GRXCR1: variants seen among roughly 807,000 people sequenced by gnomAD.
GRXCR1 encodes the protein glutaredoxin and cysteine rich domain containing 1.
In GRXCR1, 27 loss-of-function variants were observed where a neutral mutation model predicts 27.3. The ratio of observed to expected loss-of-function variants is 0.99; its 90% CI spans 0.73 to 1.37. The LOEUF (loss-of-function observed/expected upper bound fraction) is 1.37. Ranked by LOEUF, GRXCR1 falls within the 40% of genes most tolerant of loss-of-function variation. The probability of loss-of-function intolerance (pLI) is 0.00; values close to 1 mark genes in which losing one functional copy is unlikely to be tolerated. For synonymous variants in GRXCR1, 122 were observed against 131.1 expected (o/e 0.93, Z 0.47); for missense variants, 379 against 354.4 (o/e 1.07, Z -0.56).
intron 2 of GRXCR1, among the ~76,000 whole-genome samples, chr4:42,977,894 G>GAA (rs1294255551): frequency 3.3e-5 from 5 of 151,968 alleles, no homozygotes; most frequent in Non-Finnish European, 2.9e-5. Flanking sequence ...CTGTTGTGGA[G>GAA]AATTTGCCTT....
intron 2 of GRXCR1, among the ~76,000 whole-genome samples, chr4:42,974,030 G>A (rs1022836734): frequency 3.3e-5 from 5 of 152,100 alleles, no homozygotes; most frequent in Non-Finnish European, 5.9e-5. Context: ...TAGAACCAAC[G>A]TTTCATATGG....
At position 43,001,906 on chromosome 4, in the gene GRXCR1, T is replaced by G. The variant is rs573898853; in HGVS notation, c.628-18448T>G. On this transcript the variant is annotated intron_variant, in intron 2 of 3. Transcript: ENST00000399770. ...GTCAGCAAAAAACATGTGAGCAAAATAATCTATGTCATACTTAAGTTCAAG... is the reference window on the plus strand; with the variant it reads ...GTCAGCAAAAAACATGTGAGCAAAAGAATCTATGTCATACTTAAGTTCAAG... 2.3e-3 allele frequency among the ~76,000 whole-genome samples: 339 copies of G among 145,352 alleles called. 3 individuals are homozygous for G. Among genetic ancestry groups the G allele is most frequent in the African/African-American group, 7.1e-3 (281 of 39,422 alleles).
At chr4:42,960,354 G>A (rs575696562) in intron 1 of GRXCR1, among the ~76,000 whole-genome samples, 3 of 151,984 alleles carry the variant, frequency 2.0e-5, no homozygotes, top group Non-Finnish European at 2.9e-5. Flanking sequence ...AGAGAACTTC[G>A]GTGCTCTTCT....
chr4:42,949,883 C>G (rs1462578045), intron 1 of GRXCR1, among the ~76,000 whole-genome samples: 1 of 152,140 alleles, frequency 6.6e-6, no homozygotes, highest in Non-Finnish European at 1.5e-5. Flanking sequence ...GCCCTCAGTT[C>G]TCAGTCTATT....
At chr4:43,020,333 C>T in intron 2 of GRXCR1, 21 bp from the exon 3 acceptor site, 1 of 1,539,788 alleles carries the variant, frequency 6.5e-7, no homozygotes, top group Non-Finnish European at 9.0e-7. Context: ...GATTTTTCTC[C>T]CTACTCTCTC....
chr4:42,930,421 A>T (rs960688037), intron 1 of GRXCR1, among the ~76,000 whole-genome samples: 6 of 151,896 alleles, frequency 4.0e-5, no homozygotes, highest in African/African-American at 1.4e-4. Context: ...GAATATCCAG[A>T]TGTTTATTTA....
chr4:42,951,372 T>C (rs1047624158), intron 1 of GRXCR1, among the ~76,000 whole-genome samples: 1 of 152,120 alleles, frequency 6.6e-6, no homozygotes, highest in African/African-American at 2.4e-5. Context: ...TATCTGAGCA[T>C]CCCCTAGCCA....
chr4:43,028,064 G>A (rs1713310772), intron 3 of GRXCR1, among the ~76,000 whole-genome samples: 1 of 151,512 alleles, frequency 6.6e-6, no homozygotes, highest in South Asian at 2.1e-4. Flanking sequence ...AGCTGCTGAG[G>A]TCGCACCACT....
intron 2 of GRXCR1, among the ~76,000 whole-genome samples, chr4:43,004,858 C>T (rs747326246): frequency 6.6e-6 from 1 of 152,058 alleles, no homozygotes; most frequent in African/African-American, 2.4e-5. Flanking sequence ...TGGACATGGA[C>T]GTTTGAGTTA....
chr4:42,974,539 G>A (rs1029546684), intron 2 of GRXCR1, among the ~76,000 whole-genome samples: 2 of 152,122 alleles, frequency 1.3e-5, no homozygotes, highest in African/African-American at 4.8e-5. Flanking sequence ...TGTGCTGTGA[G>A]CTTGGTTTCA....
intron 2 of GRXCR1, among the ~76,000 whole-genome samples, chr4:42,992,778 G>A (rs1051378630): frequency 4.6e-5 from 7 of 152,050 alleles, no homozygotes; most frequent in African/African-American, 1.7e-4. Flanking sequence ...GATAAAATTA[G>A]CATATTTGGT....
chr4:43,011,365 G>C (rs778747945), intron 2 of GRXCR1, among the ~76,000 whole-genome samples: 27 of 152,306 alleles, frequency 1.8e-4, no homozygotes, highest in Middle Eastern at 3.4e-3. Flanking sequence ...GAGCAGGATA[G>C]AGAGGTTGGG....
intron 1 of GRXCR1, among the ~76,000 whole-genome samples, chr4:42,961,819 G>A (rs375792006): frequency 1.2e-4 from 18 of 151,922 alleles, no homozygotes; most frequent in African/African-American, 3.9e-4. Flanking sequence ...ATTTCTCTGC[G>A]TACAAAGTGG....
chr4:42,941,286 C>T (rs1249432808), intron 1 of GRXCR1, among the ~76,000 whole-genome samples: 2 of 151,976 alleles, frequency 1.3e-5, no homozygotes, highest in African/African-American at 2.4e-5. Context: ...CCATTACTTG[C>T]TATTTTAGAC....
At chr4:42,995,536 C>T (rs1213764336) in intron 2 of GRXCR1, among the ~76,000 whole-genome samples, 1 of 152,162 alleles carries the variant, frequency 6.6e-6, no homozygotes, top group Admixed American at 6.5e-5. Context: ...CTAGGAGTCA[C>T]TAGTTTACCA....
chr4:42,895,815 G>C (rs968969811), intron 1 of GRXCR1, among the ~76,000 whole-genome samples: 6 of 152,046 alleles, frequency 3.9e-5, no homozygotes, highest in Non-Finnish European at 8.8e-5. Context: ...AGAAGCCCCA[G>C]GGGCTAGAAG....
chr4:42,989,816 T>A (rs1711904289), intron 2 of GRXCR1, among the ~76,000 whole-genome samples: 3 of 152,154 alleles, frequency 2.0e-5, no homozygotes, highest in South Asian at 4.1e-4. Flanking sequence ...AATACCTAAG[T>A]CTCTTATGGT....
intron 2 of GRXCR1, among the ~76,000 whole-genome samples, chr4:42,999,030 C>T (rs928957163): frequency 2.0e-5 from 3 of 152,098 alleles, no homozygotes; most frequent in Non-Finnish European, 4.4e-5. Flanking sequence ...GTGCACAATC[C>T]AGATAACAAC....
At chr4:42,940,409 C>T (rs1488567768) in intron 1 of GRXCR1, among the ~76,000 whole-genome samples, 2 of 152,010 alleles carry the variant, frequency 1.3e-5, no homozygotes, top group African/African-American at 4.8e-5. Flanking sequence ...TTCATGAACA[C>T]CCCAAAACTG....
Sources: gnomAD v4.1 joint callset for allele counts (sites outside exome capture counted in the v4.1 genomes callset) on GRCh38, gnomAD v4.1.1 for gene constraint, MANE v1.5 for transcripts, NCBI Gene and HGNC (gene_info 2026-07-23, HGNC 2026-07-21) for gene names.